ADPRH: variants seen among roughly 807,000 people sequenced by gnomAD.
ADPRH encodes the protein ADP-ribosylarginine hydrolase, also known as ADP-ribose-L-arginine cleaving enzyme.
Under a neutral mutation model 28.8 loss-of-function variants are expected in ADPRH, and 27 were observed. The observed-to-expected ratio is 0.94, with a 90% confidence interval of 0.69 to 1.29. The LOEUF is 1.29. ADPRH is among the 50% of genes most tolerant of loss of function. The pLI, the probability that ADPRH is intolerant of heterozygous loss-of-function variation, is 0.00. For missense variants in ADPRH, 419 were observed against 444.8 expected (o/e 0.94, Z 0.52); for synonymous variants, 161 against 166.9 (o/e 0.96, Z 0.27).
intron 3 of ADPRH, among the ~76,000 whole-genome samples, chr3:119,584,999 T>A (rs1463089300): frequency 6.6e-6 from 1 of 152,170 alleles, no homozygotes; most frequent in Admixed American, 6.5e-5. Context: ...CATTTTAGCT[T>A]AACCACCTCT....
At position 119,587,594 on chromosome 3, in the gene ADPRH, T is replaced by C. The variant is rs147911198; in HGVS notation, c.790T>C (p.Ser264Pro). The change falls in exon 5 of 5, where the codon TCT becomes CCT. Residue 264 changes from serine to proline, a missense_variant. Coordinates refer to ENST00000357003, the MANE Select transcript of ADPRH (RefSeq NM_001125.4). The part of the protein sequence containing the change: ...RDQFYTSLSY[S>P]GWGGSSGHDA... ...TCAGTTCTACACCTCCCTGAGCTAC[T>C]CTGGCTGGGGTGGCAGCAGTGGGCA... 2.9e-5 allele frequency: 47 copies of C among 1,614,114 alleles called. No individual in the cohort carries two copies. Among genetic ancestry groups the C allele is most frequent in the Non-Finnish European group, 3.8e-5 (45 of 1,180,036 alleles).
intron 3 of ADPRH, among the ~76,000 whole-genome samples, chr3:119,583,341 C>A (rs1423337331): frequency 6.6e-6 from 1 of 152,058 alleles, no homozygotes. Flanking sequence ...AACAATGTAT[C>A]GTATATTTCA....
rs759651175 is a variant in ADPRH, at chr3:119,587,926, T to C, written c.*48T>C. 6.6e-7 allele frequency: 1 copy of C among 1,505,108 alleles called. No homozygotes were observed. Among genetic ancestry groups the C allele is most frequent in the Non-Finnish European group, 8.9e-7 (1 of 1,129,542 alleles). The allele number at this position is 1,505,108 out of a possible 1,614,324, so 93.2% of individuals were successfully genotyped here. A position where few individuals can be genotyped will look rare whatever the true frequency, so the allele number is the denominator to read the frequency against. ...ATGGATTCTTCTTTTGTGTATTTCC[T>C]TTTCTGCTATTTCTTTTCAGTTTTT... is the stretch of plus-strand genomic sequence containing the variant. On this transcript the variant is annotated 3_prime_UTR_variant, in exon 5 of 5. Transcript: ENST00000357003.
At chr3:119,583,672 A>T (rs2082428034) in intron 3 of ADPRH, among the ~76,000 whole-genome samples, 1 of 152,300 alleles carries the variant, frequency 6.6e-6, no homozygotes, top group African/African-American at 2.4e-5. Context: ...AACACTGTGA[A>T]AGGCCAAGGT....
rs142179039 is a variant in ADPRH at position 119,586,387 on chromosome 3, G to A, written c.401G>A (p.Arg134Gln). Residue 134 changes from arginine to glutamine, a missense_variant, in exon 4 of 5, where the codon CGG (arginine) becomes CAG (glutamine). Arg to Gln is a conservative substitution (Grantham distance 43, BLOSUM62 1). Transcript: ENST00000357003. ...SHEGGCGAAM[R>Q]AMCIGLRFPH... is the part of the protein sequence containing the mutation. ...GAGGGCGGCTGTGGGGCTGCCATGC[G>A]GGCCATGTGCATCGGTCTCAGGTTC... 1.7e-5 allele frequency: 28 copies of A among 1,614,098 alleles called. No individual in the cohort carries two copies. The highest frequency in any genetic ancestry group is 4.0e-5 in the African/African-American group (3 of 74,944).
At chr3:119,583,562 T>C (rs141712824) in intron 3 of ADPRH, among the ~76,000 whole-genome samples, 141 of 152,306 alleles carry the variant, frequency 9.3e-4, no homozygotes, top group African/African-American at 3.1e-3. Context: ...AGTATTATTA[T>C]ACACTAATAG....
In ADPRH at chr3:119,579,852, G is replaced by A. The variant is rs1447143957; in HGVS notation, c.-123+1G>A. On this transcript the variant is annotated splice_donor_variant, in intron 1 of 4. Coordinates refer to ENST00000357003, the MANE Select transcript of ADPRH (RefSeq NM_001125.4). LOFTEE classifies it low-confidence loss of function (5UTR_SPLICE). ...CGCGTTCCAGTCCAGGCTACAGCAGGTATCGCGATCCCGGCCCTCGGCCCC... is the reference window on the plus strand; with the variant it reads ...CGCGTTCCAGTCCAGGCTACAGCAGATATCGCGATCCCGGCCCTCGGCCCC... 6.6e-6 allele frequency: 1 copy of A among 152,438 alleles called. No individual in the cohort carries two copies. The highest frequency in any genetic ancestry group is 1.5e-5 in the Non-Finnish European group (1 of 68,198). 9.4% of individuals were successfully genotyped at this position (152,438 alleles called of 1,614,324 possible). A position where few individuals can be genotyped will look rare whatever the true frequency, so the allele number is the denominator to read the frequency against.
chr3:119,586,812 G>C (rs915390713), intron 4 of ADPRH, among the ~76,000 whole-genome samples, 167 bp downstream of exon 4: 1 of 152,166 alleles, frequency 6.6e-6, no homozygotes, highest in African/African-American at 2.4e-5. Context: ...TTCCAGTAAT[G>C]ATTCTACAAA....
chr3:119,583,784 T>A (rs1015617141), intron 3 of ADPRH, among the ~76,000 whole-genome samples: 1 of 150,166 alleles, frequency 6.7e-6, no homozygotes, highest in Non-Finnish European at 1.5e-5. Flanking sequence ...AAAAAAAAAT[T>A]TTTTTTTTTT....
rs768962047 is a variant in ADPRH, at chr3:119,582,149, C to G, written c.-21C>G. 13 of 1,577,750 alleles carry G rather than the reference C, an allele frequency of 8.2e-6. No individual in the cohort carries two copies. Among genetic ancestry groups the G allele is most frequent in the Admixed American group, 3.5e-5 (2 of 57,574 alleles). Reference sequence around the variant, plus strand: ...CCCCACAAAGACACCCTCTCCAGAGCCCAGCAATTGTGAGGGACTGATGGA... The same window carrying G: ...CCCCACAAAGACACCCTCTCCAGAGGCCAGCAATTGTGAGGGACTGATGGA... On this transcript the variant is annotated 5_prime_UTR_variant, in exon 3 of 5. Transcript: ENST00000357003.
chr3:119,586,958 T>C (rs1391204103), intron 4 of ADPRH, among the ~76,000 whole-genome samples: 1 of 152,242 alleles, frequency 6.6e-6, no homozygotes, highest in Non-Finnish European at 1.5e-5. Context: ...ATTTGCTTTT[T>C]CAGTGTTGTC....
chr3:119,587,483 TG>T lies in ADPRH; in HGVS notation c.682del (p.Glu228LysfsTer4). On this transcript the variant is annotated frameshift_variant, in exon 5 of 5. Transcript: ENST00000357003. LOFTEE classifies it high-confidence loss of function. Reference sequence around the variant, plus strand: ...CTACAGGTCCTACTTCCAAACCAAATGGGAAAATTACCTAAAACTTAGAGGG... The same window carrying T: ...CTACAGGTCCTACTTCCAAACCAAATGGAAAATTACCTAAAACTTAGAGGG... Reference protein sequence around the residue: ...LQHWSYFQTKWENYLKLRGIL... With the variant: ...LQHWSYFQTKXENYLKLRGIL... The T allele has an allele frequency of 6.4e-7, 1 of 1,553,714 alleles. No homozygotes were observed. Among genetic ancestry groups the T allele is most frequent in the Non-Finnish European group, 8.7e-7 (1 of 1,149,542 alleles).
In ADPRH at chr3:119,586,533, G is replaced by A. The variant is rs2082462268; in HGVS notation, c.547G>A (p.Val183Met). ...GTCTGCTCTTTTTACAGCCTATGCT[G>A]TGAATAGCAGACCACCCTTGCAGTG... is the stretch of plus-strand genomic sequence containing the variant. ...LASALFTAYA[V>M]NSRPPLQWGK... Residue 183 changes from valine to methionine, a missense_variant, in exon 4 of 5, where the codon GTG becomes ATG. Physicochemically the swap from Val to Met is conservative, Grantham distance 21 (BLOSUM62 1). Transcript: ENST00000357003. 6.2e-7 allele frequency: 1 copy of A among 1,614,086 alleles called. No individual in the cohort carries two copies. The highest frequency in any genetic ancestry group is 1.3e-5 in the African/African-American group (1 of 74,944).
chr3:119,584,582 G>C (rs912182808), intron 3 of ADPRH, among the ~76,000 whole-genome samples: 19 of 152,094 alleles, frequency 1.2e-4, no homozygotes, highest in African/African-American at 4.1e-4. Context: ...AAATGCAAAG[G>C]CTTTTGTAGA....
rs2082481568 is a variant in ADPRH, at chr3:119,587,998, C to T, written c.*120C>T. 2.6e-6 allele frequency: 3 copies of T among 1,170,462 alleles called. No homozygotes were observed. The South Asian group carries it at 5.6e-5, about 22-fold the overall frequency. The allele number at this position is 1,170,462 out of a possible 1,614,324, so 72.5% of individuals were successfully genotyped here. A position where few individuals can be genotyped will look rare whatever the true frequency, so the allele number is the denominator to read the frequency against. ...TTGTACTCAGGGAATTTTGAGATAA[C>T]AAGTCCCTTGGGCACCTTAAGCTCA... On this transcript the variant is annotated 3_prime_UTR_variant, in exon 5 of 5. Coordinates refer to ENST00000357003, the MANE Select transcript of ADPRH (RefSeq NM_001125.4).
rs946034777 is a variant in ADPRH at position 119,589,317 on chromosome 3, T to A, written c.*1439T>A. The A allele has an allele frequency of 6.6e-6, 1 of 152,294 alleles. No individual in the cohort carries two copies. Among genetic ancestry groups the A allele is most frequent in the African/African-American group, 2.4e-5 (1 of 41,458 alleles). The allele number at this position is 152,294 out of a possible 1,614,324, so 9.4% of individuals were successfully genotyped here. ...ATTTGGTCACCCTCAGTCCAGCCAG[T>A]GGGCTTGCTCTCATTTGGCCTGTTC... On this transcript the variant is annotated 3_prime_UTR_variant, in exon 5 of 5. Transcript: ENST00000357003.
Position 119,580,556 on chromosome 3 carries a change from C to T in ADPRH, c.-117C>T, listed in dbSNP as rs1191125556. ...GTCGTTTACTCCTTCTCCAGGGGCT[C>T]TCCAGCCTGCATTCCATGGCCAACA... is the stretch of plus-strand genomic sequence containing the variant. On this transcript the variant is annotated 5_prime_UTR_variant, in exon 2 of 5. Transcript: ENST00000357003. 2 of 152,256 alleles carry T rather than the reference C, an allele frequency of 1.3e-5. No homozygotes were observed. Among genetic ancestry groups the T allele is most frequent in the African/African-American group, 4.8e-5 (2 of 41,458 alleles). 9.4% of individuals were successfully genotyped at this position (152,256 alleles called of 1,614,324 possible).
chr3:119,583,027 G>A (rs61689476), intron 3 of ADPRH, among the ~76,000 whole-genome samples: 2,440 of 152,196 alleles, frequency 0.016, 70 homozygotes, highest in African/African-American at 0.056. Context: ...AAAACCGGTC[G>A]CTGGTGCCAA....
chr3:119,587,533 T>C lies in ADPRH; in HGVS notation c.729T>C (p.Pro243=), dbSNP rs1283839937. 6.2e-7 allele frequency: 1 copy of C among 1,607,828 alleles called. No homozygotes were observed. The highest frequency in any genetic ancestry group is 1.7e-5 in the Admixed American group (1 of 59,352). Reference sequence around the variant, plus strand: ...GGATTTTGGATGGAGAATCAGCCCCTACCTTCCCTGAGTCTTTCGGTGTGA... The same window carrying C: ...GGATTTTGGATGGAGAATCAGCCCCCACCTTCCCTGAGTCTTTCGGTGTGA... ...LRGILDGESA[P]TFPESFGVKE... is the part of the protein sequence containing the mutation. The change falls in exon 5 of 5, where the codon CCT becomes CCC. Residue 243 remains proline, a synonymous_variant. Transcript: ENST00000357003.
Sources: allele counts gnomAD v4.1 joint callset (sites outside exome capture counted in the v4.1 genomes callset), GRCh38; gene constraint gnomAD v4.1.1; transcripts MANE v1.5; gene names NCBI Gene and HGNC (gene_info 2026-07-23, HGNC 2026-07-21).